The following PRKG1 variants were observed in gnomAD, a reference collection of about 807,000 sequenced individuals.
The protein encoded by PRKG1 is cGMP-dependent protein kinase 1.
PRKG1 carries 35 observed loss-of-function variants against 88.1 expected under a neutral mutation model. The ratio of observed to expected loss-of-function variants is 0.40; its 90% CI spans 0.30 to 0.53. The LOEUF is 0.53. Among genes scored for constraint, PRKG1 ranks in the 20% least tolerant of loss-of-function variants. The pLI is 0.59. For synonymous variants in PRKG1, 303 were observed against 292.5 expected, an observed-to-expected ratio of 1.04 and a Z score of -0.37; for missense variants, 540 against 839.8, an observed-to-expected ratio of 0.64 and a Z score of 4.41.
At chr10:51,156,659 A>G (rs185710783) in intron 2 of PRKG1, among the ~76,000 whole-genome samples, 1 of 152,166 alleles carries the variant, frequency 6.6e-6, no homozygotes, top group East Asian at 1.9e-4. Context: ...CTAAATGGTA[A>G]TTCTAGCCAG....
At chr10:51,067,634 G>A (rs2132792294) in intron 1 of PRKG1, among the ~76,000 whole-genome samples, 1 of 151,998 alleles carries the variant, frequency 6.6e-6, no homozygotes, top group Middle Eastern at 3.4e-3. Flanking sequence ...ATAATCTGGG[G>A]AAAAATTAGA....
chr10:52,283,613 T>G (rs1842049449), intron 14 of PRKG1, among the ~76,000 whole-genome samples: 1 of 152,146 alleles, frequency 6.6e-6, no homozygotes, highest in African/African-American at 2.4e-5. Context: ...TTCAAATAAA[T>G]TATGTGTGAC....
chr10:51,305,243 C>G (rs534046408), intron 2 of PRKG1, among the ~76,000 whole-genome samples: 2 of 152,268 alleles, frequency 1.3e-5, no homozygotes, highest in African/African-American at 2.4e-5. Flanking sequence ...CACAATGGCA[C>G]TCTTCTCCCA....
chr10:51,439,290 A>T (rs1839028853), intron 2 of PRKG1, among the ~76,000 whole-genome samples: 1 of 151,802 alleles, frequency 6.6e-6, no homozygotes, highest in South Asian at 2.1e-4. Context: ...AGATTTGGAT[A>T]ATTATTTCTA....
At chr10:51,024,211 C>G (rs1843172045) in intron 1 of PRKG1, among the ~76,000 whole-genome samples, 1 of 152,102 alleles carries the variant, frequency 6.6e-6, no homozygotes, top group Non-Finnish European at 1.5e-5. Context: ...TAAGTACTTA[C>G]AATAATTTCT....
intron 1 of PRKG1, among the ~76,000 whole-genome samples, chr10:51,150,270 T>C (rs1438995254): frequency 6.6e-6 from 1 of 152,132 alleles, no homozygotes; most frequent in Admixed American, 6.6e-5. Flanking sequence ...ACTGATTTTA[T>C]ATGCATTATA....
intron 9 of PRKG1, among the ~76,000 whole-genome samples, chr10:52,217,365 T>TATATAC (rs1554818275): frequency 6.6e-6 from 1 of 150,664 alleles, no homozygotes; most frequent in Admixed American, 6.6e-5. Context: ...TATATATATA[T>TATATAC]ACACATATAC....
chr10:51,546,602 A>C (rs746564792), intron 3 of PRKG1, among the ~76,000 whole-genome samples: 3 of 152,050 alleles, frequency 2.0e-5, no homozygotes, highest in Non-Finnish European at 4.4e-5. Flanking sequence ...TAATCTTTAA[A>C]TTCAGTTCAC....
intron 3 of PRKG1, among the ~76,000 whole-genome samples, chr10:51,578,325 C>T (rs1486536161): frequency 2.6e-5 from 4 of 152,062 alleles, no homozygotes; most frequent in African/African-American, 4.8e-5. Flanking sequence ...CTTCACAAAC[C>T]ATACTATTTT....
chr10:51,814,379 A>G lies in PRKG1; in HGVS notation c.698+9689A>G, dbSNP rs187051074. On this transcript the variant is annotated intron_variant, in intron 4 of 17. Coordinates refer to ENST00000373980, the MANE Select transcript of PRKG1 (RefSeq NM_006258.4). ...CCATATTTTTCTTCTATCATTTACA[A>G]AAAGAGATGGGAAAGAGAAGGTGCA... 6.5e-3 allele frequency among the ~76,000 whole-genome samples: 990 copies of G among 152,296 alleles called. 12 individuals are homozygous for G. The highest frequency in any genetic ancestry group is 0.02 in the African/African-American group (835 of 41,566).
intron 1 of PRKG1, among the ~76,000 whole-genome samples, chr10:51,024,963 A>T (rs901444431): frequency 6.6e-6 from 1 of 152,100 alleles, no homozygotes; most frequent in African/African-American, 2.4e-5. Context: ...CAGTAACCAT[A>T]AATCCTGAGC....
chr10:52,280,836 T>C lies in PRKG1; in HGVS notation c.1451T>C (p.Val484Ala). ...STTRFYTACV[V>A]EAFAYLHSKG... is the part of the protein sequence containing the mutation. ...ACCAGATTTTACACAGCATGTGTGG[T>C]AGAAGCTTTTGCCTATCTGCATTCC... Residue 484 changes from valine to alanine, a missense_variant, in exon 13 of 18, where the codon GTA (valine) becomes GCA (alanine). Around this residue, in one of 5 missense-constraint regions of PRKG1, gnomAD observed 400 missense variants for 562.7 expected, o/e 0.71. Coordinates refer to ENST00000373980, the MANE Select transcript of PRKG1 (RefSeq NM_006258.4). 1 of 1,613,238 alleles carries C rather than the reference T, an allele frequency of 6.2e-7. No homozygotes were observed. Among genetic ancestry groups the C allele is most frequent in the Non-Finnish European group, 8.5e-7 (1 of 1,179,338 alleles).
intron 2 of PRKG1, among the ~76,000 whole-genome samples, chr10:51,174,295 GC>G (rs1165423088): frequency 1.3e-5 from 2 of 151,886 alleles, no homozygotes; most frequent in African/African-American, 4.8e-5. Context: ...ATGCCTTCCT[GC>G]AAGGGTGCTT....
chr10:52,157,935 C>T lies in PRKG1; in HGVS notation c.1002-3954C>T, dbSNP rs150410361. Among the ~76,000 whole-genome samples, 3 of 151,704 alleles carry T rather than the reference C, an allele frequency of 2.0e-5. No homozygotes were observed. The East Asian group carries it at 5.8e-4, about 29-fold the overall frequency. On this transcript the variant is annotated intron_variant, in intron 8 of 17. Coordinates refer to ENST00000373980, the MANE Select transcript of PRKG1 (RefSeq NM_006258.4). ...CTCAACTGATAATATTTTACCCATG[C>T]TCCTTAAAGTATTATGTCAAGACTT...
rs562882087 is a variant in PRKG1, at chr10:51,408,144, A to G, written c.479-59579A>G. On this transcript the variant is annotated intron_variant, in intron 2 of 17. Coordinates refer to ENST00000373980, the MANE Select transcript of PRKG1 (RefSeq NM_006258.4). The stretch of plus-strand genomic sequence containing the variant: ...ATTCCTGGACCTGTGAATCCCGGCT[A>G]TGGGAGAAACAGTACCATATATTGG... Among the ~76,000 whole-genome samples, 7 of 152,260 alleles carry G rather than the reference A, an allele frequency of 4.6e-5. No homozygotes were observed. In the East Asian group the frequency reaches 1.2e-3, roughly 25 times the overall value.
At chr10:51,476,459 A>G (rs890927147) in intron 3 of PRKG1, among the ~76,000 whole-genome samples, 9 of 152,182 alleles carry the variant, frequency 5.9e-5, no homozygotes, top group African/African-American at 2.2e-4. Context: ...AGTCTGCCTC[A>G]TTGATAAATA....
At chr10:51,575,612 G>T (rs1837866812) in intron 3 of PRKG1, among the ~76,000 whole-genome samples, 1 of 151,600 alleles carries the variant, frequency 6.6e-6, no homozygotes, top group African/African-American at 2.4e-5. Flanking sequence ...GGAAAACAAT[G>T]GTAAATTGAA....
At chr10:51,883,771 T>C (rs1320624425) in intron 4 of PRKG1, among the ~76,000 whole-genome samples, 1 of 152,198 alleles carries the variant, frequency 6.6e-6, no homozygotes, top group Admixed American at 6.5e-5. Flanking sequence ...AGATAATAAA[T>C]GTACTTTAAA....
chr10:51,271,475 T>G (rs1031968641), intron 2 of PRKG1, among the ~76,000 whole-genome samples: 5 of 152,216 alleles, frequency 3.3e-5, no homozygotes, highest in Non-Finnish European at 5.9e-5. Flanking sequence ...TGTGCTTATA[T>G]TAGTAATATT....
Sources: gnomAD v4.1 joint callset for allele counts (sites outside exome capture counted in the v4.1 genomes callset) on GRCh38, gnomAD v4.1.1 for gene constraint, gnomAD v4.1.1 regional missense constraint, MANE v1.5 for transcripts, NCBI Gene and HGNC (gene_info 2026-07-23, HGNC 2026-07-21) for gene names.